The following NCKAP1L variants were observed in gnomAD, a reference collection of about 807,000 sequenced individuals.
The protein encoded by NCKAP1L is NCK associated protein 1 like.
Under a neutral mutation model 139.2 loss-of-function variants are expected in NCKAP1L, and 53 were observed. The ratio of observed to expected loss-of-function variants is 0.38; its 90% CI spans 0.31 to 0.48. The LOEUF is 0.48. NCKAP1L is among the 20% of genes least tolerant of loss of function. The probability of loss-of-function intolerance (pLI) is 0.98; values close to 1 mark genes in which losing one functional copy is unlikely to be tolerated. For synonymous variants in NCKAP1L, 468 were observed against 499.7 expected (o/e 0.94, Z 0.85); for missense variants, 1,151 against 1,381.9 (o/e 0.83, Z 2.65).
chr12:54,516,042 A>G (rs1249561100), intron 9 of NCKAP1L, among the ~76,000 whole-genome samples, 197 bp from the exon 10 acceptor site: 4 of 152,160 alleles, frequency 2.6e-5, no homozygotes, highest in Non-Finnish European at 5.9e-5. Context: ...ATTATGAGGT[A>G]GAGTTGAATG....
chr12:54,516,290 A>G lies in NCKAP1L; in HGVS notation c.993A>G (p.Ala331=), dbSNP rs145815142. Residue 331 remains alanine (A), a synonymous_variant, in exon 10 of 31, where the codon GCA becomes GCG. Coordinates refer to ENST00000293373, the MANE Select transcript of NCKAP1L (RefSeq NM_005337.5). ...AGGAGAGCAAGGAACATGTAATTGCAAACAGGTAAAGGGTGGTGAATGCAC... is the reference window on the plus strand; with the variant it reads ...AGGAGAGCAAGGAACATGTAATTGCGAACAGGTAAAGGGTGGTGAATGCAC... ...DIKESKEHVI[A]NSGQFHCQRR... 1.8e-4 allele frequency: 289 copies of G among 1,613,986 alleles called. No individual in the cohort carries two copies. The African/African-American group carries it at 3.0e-3, about 17-fold the overall frequency.
chr12:54,512,296 G>A lies in NCKAP1L; in HGVS notation c.941+191G>A, dbSNP rs544068116. ...GTTTTAGGGACACAATAATGAATAA[G>A]ACAACATGGAGGTTAAGAGCACAGA... On this transcript the variant is annotated intron_variant, in intron 9 of 30. Transcript: ENST00000293373. 2.5e-5 allele frequency: 13 copies of A among 510,898 alleles called. No homozygotes were observed. The Admixed American group carries it at 3.3e-4, about 13-fold the overall frequency. The allele number at this position is 510,898 out of a possible 1,614,324, so 31.6% of individuals were successfully genotyped here.
At chr12:54,498,814 C>T in intron 1 of NCKAP1L, 1 of 985,296 alleles carries the variant, frequency 1.0e-6, no homozygotes, top group Non-Finnish European at 1.2e-6. Flanking sequence ...TTAAACTCTA[C>T]CCATCAAGAC....
At position 54,523,418 on chromosome 12, in the gene NCKAP1L, A is replaced by G; in HGVS notation, c.1903A>G (p.Thr635Ala). ...GCTTCTACCTAAGCACTGTGCCACTACAATCAGCAAAGCCAAGAACAAGAA... is the reference window on the plus strand; with the variant it reads ...GCTTCTACCTAAGCACTGTGCCACTGCAATCAGCAAAGCCAAGAACAAGAA... ...EQLLPKHCAT[T>A]ISKAKNKKTR... Residue 635 changes from threonine to alanine, a missense_variant, in exon 19 of 31, where the codon ACA becomes GCA. By Grantham distance (58) the Thr-to-Ala change is moderately conservative. Coordinates refer to ENST00000293373, the MANE Select transcript of NCKAP1L (RefSeq NM_005337.5). The G allele has an allele frequency of 6.2e-7, 1 of 1,614,150 alleles. No homozygotes were observed. The highest frequency in any genetic ancestry group is 8.5e-7 in the Non-Finnish European group (1 of 1,180,004).
intron 4 of NCKAP1L, 75 bp downstream of exon 4, chr12:54,507,984 A>G (rs1375084979): frequency 1.5e-6 from 2 of 1,317,920 alleles, no homozygotes; most frequent in East Asian, 2.3e-5. Context: ...GTCTAGGTCT[A>G]CTCACAGGAT....
intron 30 of NCKAP1L, 40 bp downstream of exon 30, chr12:54,539,013 G>T (rs2120978082): frequency 6.4e-7 from 1 of 1,561,920 alleles, no homozygotes; most frequent in Non-Finnish European, 8.8e-7. Context: ...ATAGGGAATG[G>T]AAGGGCCAGA....
Position 54,546,778 on chromosome 12 carries a change from C to T in NCKAP1L, c.*4093C>T, listed in dbSNP as rs563694840. The T allele has an allele frequency of 1.3e-5, 2 of 152,378 alleles. No homozygotes were observed. Among genetic ancestry groups the T allele is most frequent in the African/African-American group, 4.8e-5 (2 of 41,428 alleles). 9.4% of individuals were successfully genotyped at this position (152,378 alleles called of 1,614,324 possible). A position where few individuals can be genotyped will look rare whatever the true frequency, so the allele number is the denominator to read the frequency against. On this transcript the variant is annotated 3_prime_UTR_variant, in exon 31 of 31. Coordinates refer to ENST00000293373, the MANE Select transcript of NCKAP1L (RefSeq NM_005337.5). ...CCACTTGAATAGGAAGCAGGAGCAG[C>T]AGGCCAGGTTGCAGGTTGAGGAAGT...
rs747270240 is a variant in NCKAP1L at position 54,511,852 on chromosome 12, G to GT, written c.784+2dup. 2 of 1,614,204 alleles carry GT rather than the reference G, an allele frequency of 1.2e-6. No individual in the cohort carries two copies. The highest frequency in any genetic ancestry group is 1.1e-5 in the South Asian group (1 of 91,090). On this transcript the variant is annotated splice_donor_variant, in intron 8 of 30. Transcript: ENST00000293373. LOFTEE classifies it high-confidence loss of function. ...GAAGTAATGGAGCGCTGGATTATCA[G>GT]TAAGTTTAGTGGGATTAGATGGGAG...
intron 12 of NCKAP1L, 80 bp downstream of exon 12, chr12:54,517,722 C>T: frequency 1.3e-6 from 2 of 1,595,694 alleles, no homozygotes; most frequent in Admixed American, 1.7e-5. Flanking sequence ...TAGGAGGTCT[C>T]AATTTCTGCC....
intron 20 of NCKAP1L, among the ~76,000 whole-genome samples, chr12:54,524,938 G>A (rs964598244): frequency 2.6e-5 from 4 of 152,166 alleles, no homozygotes; most frequent in African/African-American, 9.7e-5. Context: ...AGGACACTGA[G>A]AAAGCCACGC....
chr12:54,545,997 G>A lies in NCKAP1L; in HGVS notation c.*3312G>A, dbSNP rs1957194192. The A allele has an allele frequency of 2.0e-5, 3 of 152,184 alleles. No individual in the cohort carries two copies. In the South Asian group the frequency reaches 6.2e-4, roughly 32 times the overall value. 9.4% of individuals were successfully genotyped at this position (152,184 alleles called of 1,614,324 possible). On this transcript the variant is annotated 3_prime_UTR_variant, in exon 31 of 31. Transcript: ENST00000293373. ...GTAATCCCAGCACTTTGGGAGGCAG[G>A]CGGATCGCTTGAACTCAGGAGTTTG... is the stretch of plus-strand genomic sequence containing the variant.
Position 54,516,927 on chromosome 12 carries a change from C to T in NCKAP1L, c.1030C>T (p.Leu344=). 2 of 1,612,808 alleles carry T rather than the reference C, an allele frequency of 1.2e-6. No homozygotes were observed. The highest frequency in any genetic ancestry group is 8.5e-7 in the Non-Finnish European group (1 of 1,179,218). The change falls in exon 11 of 31, where the codon CTG becomes TTG. Residue 344 remains leucine, a synonymous_variant. Transcript: ENST00000293373. ...GQFHCQRRQF[L]RMAVKELETV... ...GTTTCATTGTCAACGGCGGCAATTTCTGCGGATGGCAGTGAAGGAGCTGGA... is the reference window on the plus strand; with the variant it reads ...GTTTCATTGTCAACGGCGGCAATTTTTGCGGATGGCAGTGAAGGAGCTGGA...
rs1284446661 is a variant in NCKAP1L at position 54,545,798 on chromosome 12, G to C, written c.*3113G>C. The C allele has an allele frequency of 6.6e-6, 1 of 152,222 alleles. No individual in the cohort carries two copies. Among genetic ancestry groups the C allele is most frequent in the Non-Finnish European group, 1.5e-5 (1 of 68,046 alleles). The allele number at this position is 152,222 out of a possible 1,614,324, so 9.4% of individuals were successfully genotyped here. On this transcript the variant is annotated 3_prime_UTR_variant, in exon 31 of 31. Transcript: ENST00000293373. ...TATTAACATCTCCATTAACTTGCTT[G>C]CAGCAATGAGATGGAATTATGCCTC...
chr12:54,526,466 C>A, intron 20 of NCKAP1L, 62 bp from the exon 21 acceptor site: 1 of 1,319,372 alleles, frequency 7.6e-7, no homozygotes, highest in African/African-American at 1.4e-5. Flanking sequence ...ATACACTCAA[C>A]AATTGTTACT....
At chr12:54,498,957 G>A (rs1002974694) in intron 1 of NCKAP1L, 46 of 231,430 alleles carry the variant, frequency 2.0e-4, no homozygotes, top group African/African-American at 1.6e-3. Context: ...TCGGAGTCTC[G>A]CTCTGTCGCC....
chr12:54,527,085 T>A (rs976108431), intron 21 of NCKAP1L, among the ~76,000 whole-genome samples: 7 of 152,208 alleles, frequency 4.6e-5, no homozygotes, highest in Admixed American at 6.5e-5. Flanking sequence ...AGTTCTCTTA[T>A]TTCTCTTTTT....
At chr12:54,499,529 C>T (rs2120864662) in intron 2 of NCKAP1L, 64 bp downstream of exon 2, 2 of 963,588 alleles carry the variant, frequency 2.1e-6, no homozygotes, top group Middle Eastern at 2.1e-4. Context: ...TGAAATTCTC[C>T]TCTTTTGATG....
In NCKAP1L at chr12:54,535,084, T is replaced by A; in HGVS notation, c.2863-20T>A. 1.2e-6 allele frequency: 2 copies of A among 1,605,160 alleles called. No individual in the cohort carries two copies. Among genetic ancestry groups the A allele is most frequent in the Non-Finnish European group, 1.7e-6 (2 of 1,173,148 alleles). ...TGTGTCCTGCGAATCCTCTCTAGAA[T>A]GTTATTTTCTTCTCTCCAGGTGACC... On this transcript the variant is annotated intron_variant, in intron 26 of 30. Transcript: ENST00000293373.
chr12:54,541,298 C>T (rs1957156361), intron 30 of NCKAP1L, among the ~76,000 whole-genome samples: 2 of 152,246 alleles, frequency 1.3e-5, no homozygotes, highest in South Asian at 4.1e-4. Flanking sequence ...ACCCAAGTTT[C>T]TTGGCCATCA....
Sources: allele counts gnomAD v4.1 joint callset (sites outside exome capture counted in the v4.1 genomes callset), GRCh38; gene constraint gnomAD v4.1.1; transcripts MANE v1.5; gene names NCBI Gene and HGNC (gene_info 2026-07-23, HGNC 2026-07-21).